ERBB4: variants seen among roughly 807,000 people sequenced by gnomAD.
ERBB4 encodes erb-b2 receptor tyrosine kinase 4.
In ERBB4, 42 loss-of-function variants were observed where a neutral mutation model predicts 158.0. The ratio of observed to expected loss-of-function variants is 0.27; its 90% CI spans 0.21 to 0.34. The LOEUF (loss-of-function observed/expected upper bound fraction) is 0.34, where lower values mean the gene tolerates loss of function less well. ERBB4 is among the 10% of genes least tolerant of loss of function. The pLI is 1.00. For missense variants in ERBB4, 1,333 were observed against 1,624.1 expected (o/e 0.82, Z 3.08); for synonymous variants, 583 against 558.7 (o/e 1.04, Z -0.61).
At chr2:211,668,746 A>G (rs1427188695) in intron 14 of ERBB4, among the ~76,000 whole-genome samples, 1 of 152,172 alleles carries the variant, frequency 6.6e-6, no homozygotes, top group Non-Finnish European at 1.5e-5. Context: ...AATTTGCACA[A>G]TGGAATATAA....
At chr2:211,903,387 C>T (rs1473411276) in intron 3 of ERBB4, among the ~76,000 whole-genome samples, 4 of 151,830 alleles carry the variant, frequency 2.6e-5, no homozygotes, top group African/African-American at 9.7e-5. Context: ...TTTTTGGGTG[C>T]AAGGCAGGCA....
intron 2 of ERBB4, among the ~76,000 whole-genome samples, chr2:212,083,599 T>G (rs2078510407): frequency 6.6e-6 from 1 of 151,644 alleles, no homozygotes; most frequent in East Asian, 1.9e-4. Flanking sequence ...AAAAGGCAAG[T>G]GTATGTTAAA....
chr2:212,244,510 C>T (rs2084239706), intron 1 of ERBB4, among the ~76,000 whole-genome samples: 2 of 152,092 alleles, frequency 1.3e-5, no homozygotes, highest in Admixed American at 1.3e-4. Flanking sequence ...TTCTGCTTTA[C>T]AACAACCATG....
chr2:211,696,398 A>G (rs577039077), intron 12 of ERBB4, among the ~76,000 whole-genome samples: 1 of 152,206 alleles, frequency 6.6e-6, no homozygotes, highest in South Asian at 2.1e-4. Context: ...GGTTTTAGCC[A>G]CTGTGCCCAG....
intron 2 of ERBB4, among the ~76,000 whole-genome samples, chr2:212,036,581 C>A (rs907738438): frequency 3.3e-5 from 5 of 151,834 alleles, no homozygotes; most frequent in African/African-American, 1.2e-4. Context: ...TCTCCTGCCT[C>A]AGCCTCCTGA....
intron 1 of ERBB4, among the ~76,000 whole-genome samples, chr2:212,254,896 G>A (rs2084669453): frequency 6.6e-6 from 1 of 152,118 alleles, no homozygotes; most frequent in African/African-American, 2.4e-5. Flanking sequence ...TTGTTATAGT[G>A]TGAGAGATAC....
intron 3 of ERBB4, among the ~76,000 whole-genome samples, chr2:211,821,226 C>G (rs1056663261): frequency 6.6e-6 from 1 of 151,476 alleles, no homozygotes; most frequent in African/African-American, 2.4e-5. Flanking sequence ...AAATAACAAA[C>G]CAGCTAAAAA....
chr2:211,522,794 T>G (rs1248333194), intron 20 of ERBB4, among the ~76,000 whole-genome samples: 1 of 152,098 alleles, frequency 6.6e-6, no homozygotes, highest in Non-Finnish European at 1.5e-5. Flanking sequence ...TTAAAGCATG[T>G]ACACTGCTTT....
intron 2 of ERBB4, among the ~76,000 whole-genome samples, chr2:212,097,096 G>T (rs186695552): frequency 6.6e-6 from 1 of 152,108 alleles, no homozygotes; most frequent in African/African-American, 2.4e-5. Flanking sequence ...ATAAGCTACA[G>T]TACTACGCAC....
intron 1 of ERBB4, among the ~76,000 whole-genome samples, chr2:212,392,475 A>G (rs1301330411): frequency 1.3e-5 from 2 of 152,092 alleles, no homozygotes; most frequent in African/African-American, 2.4e-5. Flanking sequence ...CTCATTCAAT[A>G]AACATTATTA....
At position 212,538,613 on chromosome 2, in the gene ERBB4, C is replaced by G; in HGVS notation, c.-83G>C. 1 of 1,422,840 alleles carries G rather than the reference C, an allele frequency of 7.0e-7. No individual in the cohort carries two copies. Among genetic ancestry groups the G allele is most frequent in the Non-Finnish European group, 9.9e-7 (1 of 1,009,110 alleles). 88.1% of individuals were successfully genotyped at this position (1,422,840 alleles called of 1,614,324 possible). On this transcript the variant is annotated 5_prime_UTR_variant, in exon 1 of 28. Transcript: ENST00000342788. ...TTTCGGGCACGCGGAGGAGATCCCC[C>G]AGCCGGGCGCGCGTGGGGGTGCGAG...
In ERBB4 at chr2:212,219,454, AAAT is replaced by A. The variant is rs1246008694; in HGVS notation, c.83-94554_83-94552del. Among the ~76,000 whole-genome samples, 3 of 151,412 alleles carry A rather than the reference AAAT, an allele frequency of 2.0e-5. No individual in the cohort carries two copies. The East Asian group carries it at 5.8e-4, about 29-fold the overall frequency. The stretch of plus-strand genomic sequence containing the variant: ...ACATTTTTCTATATTATTTAATAAA[AAAT>A]AATAAGATTTTTAAAGCAATTCCCT... On this transcript the variant is annotated intron_variant, in intron 1 of 27. Coordinates refer to ENST00000342788, the MANE Select transcript of ERBB4 (RefSeq NM_005235.3).
intron 2 of ERBB4, among the ~76,000 whole-genome samples, chr2:212,119,454 C>T (rs2079676425): frequency 6.6e-6 from 1 of 152,044 alleles, no homozygotes; most frequent in Admixed American, 6.6e-5. Context: ...AGAGAAAGCT[C>T]CCAAGAATTC....
chr2:211,583,709 A>AT (rs1289195000), intron 19 of ERBB4, among the ~76,000 whole-genome samples: 5 of 151,534 alleles, frequency 3.3e-5, no homozygotes, highest in Non-Finnish European at 4.4e-5. Context: ...CTAGTAAAAT[A>AT]TTTTTTGTAA....
chr2:212,156,782 A>AGGC (rs2081048150), intron 1 of ERBB4, among the ~76,000 whole-genome samples: 1 of 152,098 alleles, frequency 6.6e-6, no homozygotes, highest in African/African-American at 2.4e-5. Flanking sequence ...GTTGTCCAAG[A>AGGC]CAGAGACACA....
intron 1 of ERBB4, among the ~76,000 whole-genome samples, chr2:212,391,298 T>C (rs1250787558): frequency 6.6e-6 from 1 of 151,872 alleles, no homozygotes; most frequent in East Asian, 1.9e-4. Context: ...TTAACAGAAG[T>C]ATAAATCATT....
chr2:212,112,408 G>T (rs1466494583), intron 2 of ERBB4, among the ~76,000 whole-genome samples: 1 of 151,390 alleles, frequency 6.6e-6, no homozygotes, highest in African/African-American at 2.4e-5. Flanking sequence ...GCTCTACTGA[G>T]GCCTACCTTT....
intron 15 of ERBB4, among the ~76,000 whole-genome samples, chr2:211,660,134 G>A (rs1290530635): frequency 6.6e-6 from 1 of 152,206 alleles, no homozygotes; most frequent in Non-Finnish European, 1.5e-5. Context: ...AGAACATTAG[G>A]TGGGAGCCAG....
At chr2:212,421,327 T>C (rs1348435679) in intron 1 of ERBB4, among the ~76,000 whole-genome samples, 2 of 152,166 alleles carry the variant, frequency 1.3e-5, no homozygotes, top group African/African-American at 4.8e-5. Context: ...TTGTTCCTTC[T>C]GGAAACCCTT....
Sources: allele counts gnomAD v4.1 joint callset (sites outside exome capture counted in the v4.1 genomes callset), GRCh38; gene constraint gnomAD v4.1.1; transcripts MANE v1.5; gene names NCBI Gene and HGNC (gene_info 2026-07-23, HGNC 2026-07-21).